The following MLLT3 variants were observed in gnomAD, a reference collection of about 807,000 sequenced individuals.
The protein encoded by MLLT3 is protein AF-9.
A neutral mutation model predicts 53.2 loss-of-function variants in MLLT3; 4 were observed. The ratio of observed to expected loss-of-function variants is 0.08; its 90% CI spans 0.04 to 0.17. MLLT3 has a LOEUF of 0.17. MLLT3 is among the 10% of genes least tolerant of loss of function. The pLI, the probability that MLLT3 is intolerant of heterozygous loss-of-function variation, is 1.00. For missense variants in MLLT3, 569 were observed against 684.0 expected (o/e 0.83, Z 1.87); for synonymous variants, 283 against 230.6 (o/e 1.23, Z -2.06).
chr9:20,605,131 A>T (rs55793830), intron 2 of MLLT3, among the ~76,000 whole-genome samples: 3,870 of 152,212 alleles, frequency 0.025, 164 homozygotes, highest in African/African-American at 0.089. Flanking sequence ...TGCAGGATTT[A>T]TACCATTTTA....
chr9:20,558,828 G>A (rs1045103938), intron 2 of MLLT3, among the ~76,000 whole-genome samples: 6 of 152,218 alleles, frequency 3.9e-5, no homozygotes, highest in Non-Finnish European at 5.9e-5. Flanking sequence ...GCATCAGCAA[G>A]CTCTGTTTCC....
At chr9:20,566,888 A>G (rs1819391429) in intron 2 of MLLT3, among the ~76,000 whole-genome samples, 1 of 152,084 alleles carries the variant, frequency 6.6e-6, no homozygotes, top group South Asian at 2.1e-4. Context: ...GAGGAATAGC[A>G]GCATATCCAT....
At chr9:20,414,532 T>G in intron 4 of MLLT3, 107 bp from the exon 5 acceptor site, 2 of 1,507,858 alleles carry the variant, frequency 1.3e-6, no homozygotes, top group Non-Finnish European at 1.8e-6. Flanking sequence ...CAAGCTATCA[T>G]TAAAATACCA....
At chr9:20,525,968 A>C (rs1401691729) in intron 2 of MLLT3, among the ~76,000 whole-genome samples, 3 of 152,188 alleles carry the variant, frequency 2.0e-5, no homozygotes, top group African/African-American at 2.4e-5. Context: ...ATCACTAAGA[A>C]AGGCTTGGAG....
At chr9:20,388,712 C>A (rs1210070715) in intron 5 of MLLT3, among the ~76,000 whole-genome samples, 1 of 152,096 alleles carries the variant, frequency 6.6e-6, no homozygotes, top group Non-Finnish European at 1.5e-5. Context: ...AAGATGGGAT[C>A]CTTCAAGACA....
chr9:20,590,383 T>A (rs1820097954), intron 2 of MLLT3, among the ~76,000 whole-genome samples: 1 of 152,134 alleles, frequency 6.6e-6, no homozygotes, highest in Non-Finnish European at 1.5e-5. Flanking sequence ...TCCCTATGAA[T>A]CTCCACATGC....
chr9:20,497,789 T>C (rs138860417), intron 2 of MLLT3, among the ~76,000 whole-genome samples: 38 of 152,320 alleles, frequency 2.5e-4, no homozygotes, highest in Non-Finnish European at 4.1e-4. Flanking sequence ...AGTCTTTGTA[T>C]GGATATATAC....
chr9:20,597,376 A>C (rs1439130835), intron 2 of MLLT3, among the ~76,000 whole-genome samples: 1 of 152,126 alleles, frequency 6.6e-6, no homozygotes, highest in Non-Finnish European at 1.5e-5. Context: ...TTAAAAAAAA[A>C]AAAAATCCTG....
chr9:20,350,648 G>A (rs1205623562), intron 10 of MLLT3, among the ~76,000 whole-genome samples: 3 of 151,832 alleles, frequency 2.0e-5, no homozygotes, highest in African/African-American at 7.3e-5. Context: ...TAGTGGAAAA[G>A]GAAGAGTGTG....
chr9:20,496,181 T>C (rs144470214), intron 2 of MLLT3, among the ~76,000 whole-genome samples: 3 of 152,348 alleles, frequency 2.0e-5, no homozygotes, highest in Admixed American at 6.5e-5. Context: ...CATTGCCTTG[T>C]TCTAAACAGA....
At chr9:20,539,648 T>C (rs1180167263) in intron 2 of MLLT3, among the ~76,000 whole-genome samples, 1 of 152,134 alleles carries the variant, frequency 6.6e-6, no homozygotes, top group Non-Finnish European at 1.5e-5. Context: ...TCCCACTAGA[T>C]ACCTCCCCTG....
chr9:20,609,978 A>C (rs1820660586), intron 2 of MLLT3, among the ~76,000 whole-genome samples: 1 of 152,168 alleles, frequency 6.6e-6, no homozygotes, highest in Non-Finnish European at 1.5e-5. Context: ...ATAGCTATTT[A>C]ATAAAGGGTA....
chr9:20,526,479 C>G (rs894328831), intron 2 of MLLT3, among the ~76,000 whole-genome samples: 6 of 152,154 alleles, frequency 3.9e-5, no homozygotes, highest in African/African-American at 1.4e-4. Context: ...GCATAGAATA[C>G]ACATGCTTAT....
At chr9:20,507,802 C>T (rs1825423202) in intron 2 of MLLT3, among the ~76,000 whole-genome samples, 1 of 142,230 alleles carries the variant, frequency 7.0e-6, no homozygotes, top group African/African-American at 2.6e-5. Context: ...ATTGGCTCAA[C>T]ATTTTAATGT....
At chr9:20,460,813 C>T (rs1427602166) in intron 2 of MLLT3, among the ~76,000 whole-genome samples, 6 of 152,170 alleles carry the variant, frequency 3.9e-5, no homozygotes, top group Admixed American at 1.3e-4. Flanking sequence ...TCTCCAAACT[C>T]GCTACAATCA....
intron 10 of MLLT3, among the ~76,000 whole-genome samples, chr9:20,350,853 T>A (rs970649406): frequency 6.6e-6 from 1 of 152,200 alleles, no homozygotes; most frequent in African/African-American, 2.4e-5. Flanking sequence ...GGTAAATGCA[T>A]TGATTTTGGT....
chr9:20,501,752 C>G (rs1563789610), intron 2 of MLLT3, among the ~76,000 whole-genome samples: 4 of 115,880 alleles, frequency 3.5e-5, no homozygotes, highest in Non-Finnish European at 6.7e-5. Context: ...AGCGAGACTC[C>G]GTCTCAAAAA....
chr9:20,437,726 T>C (rs1321982331), intron 4 of MLLT3, among the ~76,000 whole-genome samples: 1 of 152,244 alleles, frequency 6.6e-6, no homozygotes, highest in African/African-American at 2.4e-5. Flanking sequence ...TTATTAATGC[T>C]GATCTAGAAT....
chr9:20,444,701 G>A (rs1028924050), intron 4 of MLLT3, among the ~76,000 whole-genome samples: 1 of 151,830 alleles, frequency 6.6e-6, no homozygotes, highest in Admixed American at 6.6e-5. Context: ...GGGAAAACCT[G>A]TCTCTACAAA....
Sources: allele counts gnomAD v4.1 joint callset (sites outside exome capture counted in the v4.1 genomes callset), GRCh38; gene constraint gnomAD v4.1.1; transcripts MANE v1.5; gene names NCBI Gene and HGNC (gene_info 2026-07-23, HGNC 2026-07-21).